The following ODF2 variants were observed in gnomAD, a reference collection of about 807,000 sequenced individuals.
ODF2 encodes the protein outer dense fiber of sperm tails 2.
Under a neutral mutation model 110.2 loss-of-function variants are expected in ODF2, and 47 were observed. The ratio of observed to expected loss-of-function variants is 0.43; its 90% CI spans 0.34 to 0.54. The LOEUF (loss-of-function observed/expected upper bound fraction) is 0.54. ODF2 is among the 20% of genes least tolerant of loss of function. The pLI, the probability that ODF2 is intolerant of heterozygous loss-of-function variation, is 0.03. For missense variants in ODF2, 812 were observed against 1,054.5 expected, an observed-to-expected ratio of 0.77 and a Z score of 3.19; for synonymous variants, 352 against 397.7, an observed-to-expected ratio of 0.89 and a Z score of 1.37.
intron 8 of ODF2, among the ~76,000 whole-genome samples, chr9:128,475,646 CT>C (rs201971288): frequency 4.0e-5 from 6 of 149,422 alleles, no homozygotes; most frequent in Admixed American, 1.3e-4. Context: ...AGTTCGACTT[CT>C]TTTTTTTTTC....
At chr9:128,466,159 G>A (rs542850072) in intron 4 of ODF2, among the ~76,000 whole-genome samples, 4 of 148,844 alleles carry the variant, frequency 2.7e-5, no homozygotes, top group South Asian at 2.1e-4. Context: ...CAAAAAAAAC[G>A]GAAAAGAAAA....
chr9:128,494,433 T>C lies in ODF2; in HGVS notation c.1753-77T>C, dbSNP rs1845232895. Reference sequence around the variant, plus strand: ...GCCCTGCCCTAACTCTAAAGGACTCTGCCTGGCTCCACTAGGAGCCAGGTC... The same window carrying C: ...GCCCTGCCCTAACTCTAAAGGACTCCGCCTGGCTCCACTAGGAGCCAGGTC... On this transcript the variant is annotated intron_variant, in intron 16 of 20. Coordinates refer to ENST00000604420, the Ensembl canonical transcript of ODF2. This position sits in a 1 kb window ranked among gnomAD's most constrained non-coding sequence, Gnocchi z 4.6. 7.3e-7 allele frequency: 1 copy of C among 1,368,750 alleles called. No homozygotes were observed. 84.8% of individuals were successfully genotyped at this position (1,368,750 alleles called of 1,614,324 possible).
At chr9:128,486,842 C>T (rs1455936890) in intron 13 of ODF2, among the ~76,000 whole-genome samples, 1 of 152,178 alleles carries the variant, frequency 6.6e-6, no homozygotes, top group African/African-American at 2.4e-5. Context: ...TACAAAAGCC[C>T]AGGGTGCTCA....
chr9:128,461,091 T>C (rs1159404056), intron 4 of ODF2, 24 bp downstream of exon 4: 1 of 1,610,872 alleles, frequency 6.2e-7, no homozygotes, highest in Non-Finnish European at 8.5e-7. Flanking sequence ...TGCCCAGGCT[T>C]TTCTTCTCGG....
intron 8 of ODF2, among the ~76,000 whole-genome samples, chr9:128,474,002 C>G (rs376874034): frequency 6.6e-6 from 1 of 152,054 alleles, no homozygotes; most frequent in East Asian, 1.9e-4. Context: ...AGGGGTTCAG[C>G]CCAGGGCATA....
chr9:128,467,323 C>G (rs1005779916), intron 4 of ODF2, among the ~76,000 whole-genome samples: 1 of 151,684 alleles, frequency 6.6e-6, no homozygotes, highest in East Asian at 1.9e-4. Flanking sequence ...GGTAAAAATA[C>G]GGTGTTTTGG....
At chr9:128,457,955 T>TTC (rs36069279) in intron 2 of ODF2, among the ~76,000 whole-genome samples, 10 of 148,970 alleles carry the variant, frequency 6.7e-5, no homozygotes, top group South Asian at 4.3e-4. Context: ...TTTTTTTTTT[T>TTC]CCCCTCTTTT....
intron 17 of ODF2, among the ~76,000 whole-genome samples, chr9:128,495,506 C>G (rs1343196238): frequency 3.9e-5 from 6 of 152,242 alleles, no homozygotes; most frequent in Non-Finnish European, 7.3e-5. Flanking sequence ...CTCCGTTGAA[C>G]CTGAGCATTC....
chr9:128,458,599 T>A (rs529363044), intron 2 of ODF2, among the ~76,000 whole-genome samples: 11 of 151,420 alleles, frequency 7.3e-5, no homozygotes, highest in Admixed American at 4.6e-4. Context: ...TTTTTTTTTT[T>A]ATTTGGCTGT....
intron 4 of ODF2, among the ~76,000 whole-genome samples, chr9:128,468,483 C>T (rs757197833): frequency 2.6e-5 from 4 of 152,136 alleles, no homozygotes; most frequent in African/African-American, 4.8e-5. Context: ...CCTGCCTCAG[C>T]CTCCTGATTA....
At position 128,485,294 on chromosome 9, in the gene ODF2, G is replaced by A; in HGVS notation, c.1291-71G>A. The A allele has an allele frequency of 1.2e-6, 1 of 806,686 alleles. No homozygotes were observed. 50.0% of individuals were successfully genotyped at this position (806,686 alleles called of 1,614,324 possible). ...CAGGGTGAGAAACCACCTAGGATGAGCCCGCTCCCAGCTCCTGGCAGCCTC... is the reference window on the plus strand; with the variant it reads ...CAGGGTGAGAAACCACCTAGGATGAACCCGCTCCCAGCTCCTGGCAGCCTC... On this transcript the variant is annotated intron_variant, in intron 12 of 20. Coordinates refer to ENST00000604420, the Ensembl canonical transcript of ODF2. This position sits in a 1 kb window ranked among gnomAD's most constrained non-coding sequence, Gnocchi z 5.0.
chr9:128,472,555 T>G (rs968749345), intron 6 of ODF2, among the ~76,000 whole-genome samples: 1 of 152,124 alleles, frequency 6.6e-6, no homozygotes, highest in Non-Finnish European at 1.5e-5. Context: ...TGACTAGCCT[T>G]GGCTGCAGTG....
chr9:128,498,863 C>T (rs1846081293), intron 19 of ODF2, 138 bp from the exon 20 acceptor site: 1 of 1,203,890 alleles, frequency 8.3e-7, no homozygotes, highest in Non-Finnish European at 1.2e-6. Flanking sequence ...AGTTCCTGCC[C>T]CAGCGTTCTA....
chr9:128,490,195 T>G (rs756971842), intron 14 of ODF2, among the ~76,000 whole-genome samples: 2 of 152,100 alleles, frequency 1.3e-5, no homozygotes, highest in Non-Finnish European at 2.9e-5. Context: ...AACAACTATT[T>G]AGGGGATTAG....
intron 8 of ODF2, among the ~76,000 whole-genome samples, chr9:128,479,929 T>C (rs1046631898): frequency 6.6e-6 from 1 of 152,146 alleles, no homozygotes; most frequent in Admixed American, 6.6e-5. Context: ...TTGTACAGTA[T>C]TATGAATATA....
At chr9:128,456,764 G>A (rs1002586405) in intron 1 of ODF2, 12 of 958,710 alleles carry the variant, frequency 1.3e-5, no homozygotes, top group Non-Finnish European at 7.4e-6. Context: ...CCGGCGGGGG[G>A]GGGTCCCGCC....
At chr9:128,500,046 T>TG in intron 20 of ODF2, 21 bp from the exon 21 acceptor site, 1 of 1,613,992 alleles carries the variant, frequency 6.2e-7, no homozygotes, top group South Asian at 1.1e-5. Flanking sequence ...AGCGGGCCCA[T>TG]GCTCTGTTTC....
intron 1 of ODF2, 90 bp downstream of exon 1, chr9:128,456,345 G>T: frequency 6.9e-7 from 1 of 1,440,764 alleles, no homozygotes; most frequent in Non-Finnish European, 9.0e-7. Flanking sequence ...GGTCGACCCC[G>T]CGGGGCCGTC....
exon 6 of ODF2, chr9:128,471,427 G>A: frequency 1.2e-6 from 2 of 1,613,486 alleles, no homozygotes; most frequent in South Asian, 1.1e-5. Flanking sequence ...CGGTGTTGAG[G>A]CACAACATCG....
Sources: allele counts gnomAD v4.1 joint callset (sites outside exome capture counted in the v4.1 genomes callset), GRCh38; gene constraint gnomAD v4.1.1; non-coding constraint Gnocchi (gnomAD v3.1); transcripts MANE v1.5; gene names NCBI Gene and HGNC (gene_info 2026-07-23, HGNC 2026-07-21).